CSNK1G1: variants seen among roughly 807,000 people sequenced by gnomAD.
CSNK1G1 encodes the protein casein kinase 1 gamma 1.
In CSNK1G1, 22 loss-of-function variants were observed where a neutral mutation model predicts 59.6. The observed-to-expected ratio is 0.37, with a 90% CI of 0.26 to 0.53. The LOEUF (loss-of-function observed/expected upper bound fraction) is 0.53. Ranked by LOEUF, CSNK1G1 falls within the 20% of genes least tolerant of loss-of-function variation. The pLI, the probability that CSNK1G1 is intolerant of heterozygous loss-of-function variation, is 0.89. For synonymous variants in CSNK1G1, 179 were observed against 177.1 expected, an observed-to-expected ratio of 1.01 and a Z score of -0.08; for missense variants, 384 against 519.5, an observed-to-expected ratio of 0.74 and a Z score of 2.54.
rs2082307762 is a variant in CSNK1G1, at chr15:64,216,050, G to A, written c.444+512C>T. On this transcript the variant is annotated intron_variant, in intron 5 of 11. Transcript: ENST00000303052. The surrounding 1 kb of genome is among the most constrained non-coding windows in gnomAD (Gnocchi z 4.6). ...TAGACAAGCCTGGGCAACATAGTGG[G>A]AGTCTGTCTCCAAAACACTTTTTTT... Among the ~76,000 whole-genome samples the A allele has an allele frequency of 6.6e-6, 1 of 152,056 alleles. No individual in the cohort carries two copies. The highest frequency in any genetic ancestry group is 1.5e-5 in the Non-Finnish European group (1 of 68,004).
At chr15:64,325,717 T>C (rs1445438022) in intron 1 of CSNK1G1, among the ~76,000 whole-genome samples, 1 of 152,228 alleles carries the variant, frequency 6.6e-6, no homozygotes, top group Non-Finnish European at 1.5e-5. Flanking sequence ...CCAGGCACTA[T>C]GCAAGACACT....
At chr15:64,208,846 T>C (rs2082215325) in intron 6 of CSNK1G1, among the ~76,000 whole-genome samples, 1 of 152,154 alleles carries the variant, frequency 6.6e-6, no homozygotes, top group Non-Finnish European at 1.5e-5. Flanking sequence ...CATGCATTCA[T>C]TTTGAATTTG....
intron 1 of CSNK1G1, among the ~76,000 whole-genome samples, chr15:64,338,593 A>C (rs1477705415): frequency 6.9e-6 from 1 of 144,414 alleles, no homozygotes; most frequent in Non-Finnish European, 1.5e-5. Flanking sequence ...CCAGCTACGC[A>C]GGAAGCTGAG....
intron 6 of CSNK1G1, among the ~76,000 whole-genome samples, chr15:64,213,239 A>C (rs919721903): frequency 2.0e-5 from 3 of 152,074 alleles, no homozygotes; most frequent in African/African-American, 4.8e-5. Context: ...GGCTTTTTTG[A>C]AGTGGATAAG....
chr15:64,201,037 C>T (rs1253552610), intron 10 of CSNK1G1, among the ~76,000 whole-genome samples: 2 of 151,936 alleles, frequency 1.3e-5, no homozygotes, highest in Admixed American at 6.6e-5. Context: ...TTTGGGAGGC[C>T]GAGGCAGGTG....
intron 1 of CSNK1G1, among the ~76,000 whole-genome samples, chr15:64,334,092 A>G (rs1388383245): frequency 6.6e-6 from 1 of 152,208 alleles, no homozygotes; most frequent in Non-Finnish European, 1.5e-5. Context: ...TATTTACTGA[A>G]CATTCTACCC....
chr15:64,215,455 G>A (rs958548591), intron 5 of CSNK1G1, among the ~76,000 whole-genome samples: 8 of 151,620 alleles, frequency 5.3e-5, no homozygotes, highest in African/African-American at 1.9e-4. Flanking sequence ...CTCATGATCC[G>A]CCCACCTTGG....
At chr15:64,199,529 C>A (rs1229456662) in intron 10 of CSNK1G1, among the ~76,000 whole-genome samples, 1 of 152,108 alleles carries the variant, frequency 6.6e-6, no homozygotes, top group East Asian at 1.9e-4. Flanking sequence ...TATAAATTCA[C>A]TGAAGCAGGA....
At chr15:64,284,072 C>CAATA (rs897828032) in intron 2 of CSNK1G1, among the ~76,000 whole-genome samples, 3 of 152,034 alleles carry the variant, frequency 2.0e-5, no homozygotes, top group Non-Finnish European at 4.4e-5. Flanking sequence ...CCAGTTGTCC[C>CAATA]AATACCACTT....
At chr15:64,275,134 C>T (rs150152465) in intron 2 of CSNK1G1, among the ~76,000 whole-genome samples, 1,877 of 152,230 alleles carry the variant, frequency 0.012, 30 homozygotes, top group African/African-American at 0.044. Flanking sequence ...CTCTGCCTCC[C>T]AGGTTCAAGC....
chr15:64,320,686 A>G (rs1182039122), intron 1 of CSNK1G1, among the ~76,000 whole-genome samples: 8 of 151,502 alleles, frequency 5.3e-5, no homozygotes, highest in South Asian at 2.1e-4. Context: ...CACAAAAAAA[A>G]AAAAAAAAAA....
intron 1 of CSNK1G1, among the ~76,000 whole-genome samples, chr15:64,326,606 T>C (rs951469082): frequency 3.3e-5 from 5 of 151,266 alleles, no homozygotes; most frequent in Admixed American, 2.0e-4. Flanking sequence ...ATCACGCCAT[T>C]GCACTCCAGC....
At position 64,266,734 on chromosome 15, in the gene CSNK1G1, G is replaced by A. The variant is rs138349848; in HGVS notation, c.182-7493C>T. Among the ~76,000 whole-genome samples, 1,469 of 152,194 alleles carry A rather than the reference G, an allele frequency of 9.7e-3. 13 individuals carry two copies. The highest frequency in any genetic ancestry group is 0.02 in the Middle Eastern group (6 of 294). ...CCACATTTACAGGTAACTGATTTTC[G>A]ACAAAGATGCCAAGAATATACACTG... On this transcript the variant is annotated intron_variant, in intron 2 of 11. Coordinates refer to ENST00000303052, the MANE Select transcript of CSNK1G1 (RefSeq NM_022048.5).
chr15:64,313,056 C>T (rs1896079254), intron 1 of CSNK1G1, among the ~76,000 whole-genome samples: 3 of 152,258 alleles, frequency 2.0e-5, no homozygotes, highest in South Asian at 4.1e-4. Context: ...CAATGAGATA[C>T]CATCTCACGC....
chr15:64,350,309 C>A (rs541524232), intron 1 of CSNK1G1, among the ~76,000 whole-genome samples: 62 of 151,908 alleles, frequency 4.1e-4, no homozygotes, highest in African/African-American at 1.4e-3. Flanking sequence ...CTGGCTAACA[C>A]GGTGAAACCC....
chr15:64,188,427 G>GTA lies in CSNK1G1; in HGVS notation c.1108-7975_1108-7974dup, dbSNP rs1218656093. 1.3e-6 allele frequency: 2 copies of GTA among 1,536,138 alleles called. No individual in the cohort carries two copies. Among genetic ancestry groups the GTA allele is most frequent in the Non-Finnish European group, 1.7e-6 (2 of 1,146,914 alleles). ...AGCCAAGTGAGACGTTAGGTATGAGGTATTGGTCTGCCGGCTGGGCTGAAT... is the reference window on the plus strand; with the variant it reads ...AGCCAAGTGAGACGTTAGGTATGAGGTATATTGGTCTGCCGGCTGGGCTGAAT... On this transcript the variant is annotated intron_variant, in intron 10 of 11. Transcript: ENST00000303052. This position sits in a 1 kb window ranked among gnomAD's most constrained non-coding sequence, Gnocchi z 4.2.
Position 64,216,586 on chromosome 15 carries a change from C to T in CSNK1G1, c.420G>A (p.Thr140=), listed in dbSNP as rs530563071. ...CCAGCTGGATGGCTATCATTAACAC[C>T]GTCTTCAAAGTAAATGTTCGGTCAC... ...DLCDRTFTLK[T]VLMIAIQLLS... is the part of the protein sequence containing the mutation. The change falls in exon 5 of 12, where the codon ACG becomes ACA. Residue 140 remains threonine, a synonymous_variant. Transcript: ENST00000303052. This position sits in a 1 kb window ranked among gnomAD's most constrained non-coding sequence, Gnocchi z 4.6. The T allele has an allele frequency of 6.4e-5, 104 of 1,613,802 alleles. No individual in the cohort carries two copies. Among genetic ancestry groups the T allele is most frequent in the Non-Finnish European group, 8.1e-5 (96 of 1,179,844 alleles).
chr15:64,242,536 A>T (rs1242246825), intron 4 of CSNK1G1, among the ~76,000 whole-genome samples: 1 of 152,228 alleles, frequency 6.6e-6, no homozygotes, highest in Non-Finnish European at 1.5e-5. Flanking sequence ...CTTCCTGTGC[A>T]GCCTGCAGAA....
At chr15:64,242,340 G>A (rs1279712772) in intron 4 of CSNK1G1, among the ~76,000 whole-genome samples, 4 of 152,046 alleles carry the variant, frequency 2.6e-5, no homozygotes, top group East Asian at 1.9e-4. Context: ...GAATCATGGC[G>A]GTGCTGTCTT....
Sources: allele counts gnomAD v4.1 joint callset (sites outside exome capture counted in the v4.1 genomes callset), GRCh38; gene constraint gnomAD v4.1.1; non-coding constraint Gnocchi (gnomAD v3.1); transcripts MANE v1.5; gene names NCBI Gene and HGNC (gene_info 2026-07-23, HGNC 2026-07-21).